The following DOCK9 variants were observed in gnomAD, a reference collection of about 807,000 sequenced individuals.
The protein encoded by DOCK9 is dedicator of cytokinesis 9, also known as dedicator of cytokinesis protein 9.
In DOCK9, 89 loss-of-function variants were observed where a neutral mutation model predicts 263.3. The ratio of observed to expected loss-of-function variants is 0.34; its 90% CI spans 0.28 to 0.40. The LOEUF (loss-of-function observed/expected upper bound fraction) is 0.40, where lower values mean the gene tolerates loss of function less well. Among genes scored for constraint, DOCK9 ranks in the 10% least tolerant of loss-of-function variants. DOCK9 has a pLI of 1.00. For missense variants in DOCK9, 2,140 were observed against 2,603.4 expected (o/e 0.82, Z 3.87); for synonymous variants, 976 against 973.1 (o/e 1.00, Z -0.06).
chr13:98,980,541 C>T (rs1379514080), upstream of DOCK9, among the ~76,000 whole-genome samples: 2 of 152,246 alleles, frequency 1.3e-5, no homozygotes, highest in Non-Finnish European at 2.9e-5. Context: ...GGCTTTAACC[C>T]TATCATGGAA....
intron 2 of DOCK9, among the ~76,000 whole-genome samples, chr13:98,946,898 T>C (rs770802533): frequency 2.6e-5 from 4 of 152,164 alleles, no homozygotes; most frequent in Admixed American, 1.3e-4. Context: ...TTCTTCTCCA[T>C]TTCCTGGTTC....
chr13:98,805,783 C>CA (rs1385842133), intron 48 of DOCK9, among the ~76,000 whole-genome samples: 6 of 151,758 alleles, frequency 4.0e-5, no homozygotes, highest in Admixed American at 3.9e-4. Flanking sequence ...TTTTTTGAGA[C>CA]AGAGTTTTGC....
intron 15 of DOCK9, among the ~76,000 whole-genome samples, chr13:98,897,270 C>T (rs1460346394): frequency 6.6e-6 from 1 of 152,200 alleles, no homozygotes; most frequent in Non-Finnish European, 1.5e-5. Flanking sequence ...CCCTTCACAG[C>T]ACCACCCAAA....
chr13:98,871,208 G>A (rs1252700000), intron 27 of DOCK9, among the ~76,000 whole-genome samples: 2 of 152,160 alleles, frequency 1.3e-5, no homozygotes, highest in Non-Finnish European at 2.9e-5. Context: ...AGCTGGGAAC[G>A]GCTTAAAATA....
At chr13:98,798,927 C>T (rs1197903249) in intron 50 of DOCK9, among the ~76,000 whole-genome samples, 2 of 152,194 alleles carry the variant, frequency 1.3e-5, no homozygotes, top group Non-Finnish European at 2.9e-5. Context: ...TCCAGCCCTA[C>T]CCTGGACTGG....
At chr13:99,052,354 A>G (rs951659110) in intron 1 of DOCK9, among the ~76,000 whole-genome samples, 3 of 152,108 alleles carry the variant, frequency 2.0e-5, no homozygotes, top group African/African-American at 7.2e-5. Context: ...GCCAGCACAC[A>G]GCTTACTTCT....
At chr13:98,961,014 G>A (rs1366049454) in intron 1 of DOCK9, among the ~76,000 whole-genome samples, 1 of 152,284 alleles carries the variant, frequency 6.6e-6, no homozygotes, top group African/African-American at 2.4e-5. Context: ...CCTGGAGAGT[G>A]GTCATGTGGA....
chr13:99,003,662 G>GCCC (rs67846564), intron 1 of DOCK9, among the ~76,000 whole-genome samples: 1 of 151,294 alleles, frequency 6.6e-6, no homozygotes, highest in African/African-American at 2.4e-5. Context: ...TTGACTCCTT[G>GCCC]TCTCTTATTT....
At chr13:98,938,758 G>T (rs1288537970) in intron 2 of DOCK9, among the ~76,000 whole-genome samples, 1 of 152,070 alleles carries the variant, frequency 6.6e-6, no homozygotes. Flanking sequence ...TGACAAAACA[G>T]CCCTCTTAAT....
chr13:99,021,507 C>T (rs1288004081), intron 1 of DOCK9, among the ~76,000 whole-genome samples: 8 of 151,844 alleles, frequency 5.3e-5, no homozygotes, highest in Admixed American at 1.3e-4. Flanking sequence ...GGCGTGGTGG[C>T]GGGCGCCTGT....
chr13:98,797,270 G>T lies in DOCK9; in HGVS notation c.6018-17C>A. ...ACAAATTGCCTGGAATGGTACAGGC[G>T]GGAGAAACAAAGGCACGCAGAGGAT... On this transcript the variant is annotated splice_polypyrimidine_tract_variant and intron_variant, in intron 51 of 52. Coordinates refer to ENST00000682017, the MANE Select transcript of DOCK9 (RefSeq NM_001366683.2). The T allele has an allele frequency of 6.2e-7, 1 of 1,613,634 alleles. No individual in the cohort carries two copies. Among genetic ancestry groups the T allele is most frequent in the Non-Finnish European group, 8.5e-7 (1 of 1,179,734 alleles).
At chr13:98,806,256 T>G (rs2090692282) in intron 48 of DOCK9, among the ~76,000 whole-genome samples, 1 of 152,268 alleles carries the variant, frequency 6.6e-6, no homozygotes, top group African/African-American at 2.4e-5. Flanking sequence ...ATGATAAATT[T>G]AGTTTCTATT....
At chr13:98,852,605 T>C (rs2093604581) in intron 35 of DOCK9, among the ~76,000 whole-genome samples, 1 of 152,232 alleles carries the variant, frequency 6.6e-6, no homozygotes, top group Non-Finnish European at 1.5e-5. Flanking sequence ...GGCACTTTGT[T>C]TTTAGGAGAG....
chr13:98,969,463 G>GGA (rs1555432839), intron 1 of DOCK9, among the ~76,000 whole-genome samples: 1 of 148,938 alleles, frequency 6.7e-6, no homozygotes, highest in African/African-American at 2.5e-5. Context: ...GCGGGAGAAA[G>GGA]AAAAAAAAAA....
At chr13:98,986,812 CT>C (rs1350649116) in intron 1 of DOCK9, among the ~76,000 whole-genome samples, 3 of 152,132 alleles carry the variant, frequency 2.0e-5, no homozygotes, top group African/African-American at 4.8e-5. Context: ...ACTTTTCCCC[CT>C]GGGTGCTTGT....
At chr13:98,901,689 G>A (rs2048300541) in intron 13 of DOCK9, 89 bp downstream of exon 13, 5 of 1,419,468 alleles carry the variant, frequency 3.5e-6, no homozygotes, top group Non-Finnish European at 4.7e-6. Flanking sequence ...TATGGCTTAT[G>A]TTTGATTTCA....
At chr13:98,824,291 T>C (rs564285662) in intron 45 of DOCK9, 107 bp downstream of exon 45, 606 of 883,702 alleles carry the variant, frequency 6.9e-4, no homozygotes, top group Non-Finnish European at 9.7e-4. Context: ...TGTGTATAAG[T>C]AGCAGCTACA....
intron 4 of DOCK9, among the ~76,000 whole-genome samples, chr13:98,924,354 G>C (rs1456986763): frequency 6.6e-6 from 1 of 152,224 alleles, no homozygotes. Flanking sequence ...AAAGGTTCCA[G>C]CTCAAAGATG....
intron 1 of DOCK9, among the ~76,000 whole-genome samples, chr13:99,066,050 T>G (rs1368497327): frequency 6.6e-6 from 1 of 152,172 alleles, no homozygotes; most frequent in East Asian, 1.9e-4. Flanking sequence ...ACCCAGGAGA[T>G]TAACATGACC....
Sources: gnomAD v4.1 joint callset for allele counts (sites outside exome capture counted in the v4.1 genomes callset) on GRCh38, gnomAD v4.1.1 for gene constraint, MANE v1.5 for transcripts, NCBI Gene and HGNC (gene_info 2026-07-23, HGNC 2026-07-21) for gene names.